Variants in FBLN2 observed in about 807,000 individuals in gnomAD.
The protein encoded by FBLN2 is fibulin 2, also known as fibulin-2.
Under a neutral mutation model 123.7 loss-of-function variants are expected in FBLN2, and 81 were observed. That is an observed-to-expected ratio of 0.65 (90% confidence interval 0.55 to 0.79). The LOEUF (loss-of-function observed/expected upper bound fraction) is 0.79, where lower values mean the gene tolerates loss of function less well. Among genes scored for constraint, FBLN2 ranks in the 30% least tolerant of loss-of-function variants. The probability of loss-of-function intolerance (pLI) is 0.00; values close to 1 mark genes in which losing one functional copy is unlikely to be tolerated. For missense variants in FBLN2, 1,603 were observed against 1,681.3 expected, an observed-to-expected ratio of 0.95 and a Z score of 0.81; for synonymous variants, 699 against 701.4, an observed-to-expected ratio of 1.00 and a Z score of 0.05.
chr3:13,609,653 C>T lies in FBLN2; in HGVS notation c.1548+11C>T, dbSNP rs1705323906. 9.8e-7 allele frequency: 1 copy of T among 1,018,614 alleles called. No individual in the cohort carries two copies. The highest frequency in any genetic ancestry group is 1.4e-6 in the Non-Finnish European group (1 of 737,552). 63.1% of individuals were successfully genotyped at this position (1,018,614 alleles called of 1,614,324 possible). Reference sequence around the variant, plus strand: ...ATCTCCCTGTACAAGGCAAGCCTGACCTGTGGCCTTCAAGGCAGGGTGGGG... The same window carrying T: ...ATCTCCCTGTACAAGGCAAGCCTGATCTGTGGCCTTCAAGGCAGGGTGGGG... On this transcript the variant is annotated intron_variant, in intron 4 of 17. Coordinates refer to ENST00000404922, the MANE Select transcript of FBLN2 (RefSeq NM_001004019.2).
chr3:13,636,038 G>A (rs560550360), intron 16 of FBLN2, among the ~76,000 whole-genome samples: 79 of 152,326 alleles, frequency 5.2e-4, no homozygotes, highest in African/African-American at 1.8e-3. Context: ...AAAAGCTGGG[G>A]ATAGCGTTCC....
At chr3:13,552,209 G>A (rs1446198590) in intron 1 of FBLN2, among the ~76,000 whole-genome samples, 1 of 82,690 alleles carries the variant, frequency 1.2e-5, no homozygotes, top group Non-Finnish European at 2.6e-5. Flanking sequence ...GCAGGGAACA[G>A]GCTGGAGGGC....
chr3:13,628,091 C>G, intron 11 of FBLN2, 122 bp downstream of exon 11: 1 of 1,278,150 alleles, frequency 7.8e-7, no homozygotes, highest in South Asian at 1.5e-5. Flanking sequence ...TCTCCCAGCC[C>G]CCTTGTCCCT....
intron 4 of FBLN2, 37 bp downstream of exon 4, chr3:13,609,679 T>TGCAGTGTGGGGGGG: frequency 1.2e-5 from 1 of 80,284 alleles, no homozygotes; most frequent in Non-Finnish European, 2.2e-5. Flanking sequence ...CAGGGTGGGG[T>TGCAGTGTGGGGGGG]GGGGCGGGGC....
intron 10 of FBLN2, among the ~76,000 whole-genome samples, chr3:13,627,597 C>G (rs1361158074): frequency 6.6e-6 from 1 of 152,208 alleles, no homozygotes; most frequent in African/African-American, 2.4e-5. Flanking sequence ...ATAAATCCAT[C>G]TCAGGTGCTC....
intron 1 of FBLN2, among the ~76,000 whole-genome samples, chr3:13,550,031 A>C (rs889940652): frequency 6.6e-6 from 1 of 152,150 alleles, no homozygotes; most frequent in Admixed American, 6.5e-5. Context: ...TGTATCACAC[A>C]TGTGTCTCTC....
chr3:13,575,733 A>G (rs1450693095), intron 2 of FBLN2, among the ~76,000 whole-genome samples: 1 of 152,018 alleles, frequency 6.6e-6, no homozygotes, highest in Non-Finnish European at 1.5e-5. Context: ...GAAACCCTGG[A>G]AGCTGCACTG....
At chr3:13,594,114 C>T (rs1192315954) in intron 2 of FBLN2, among the ~76,000 whole-genome samples, 2 of 152,160 alleles carry the variant, frequency 1.3e-5, no homozygotes. Flanking sequence ...ATATTTTCTT[C>T]CCAGGCCCAG....
chr3:13,608,308 G>A, intron 3 of FBLN2, 135 bp downstream of exon 3: 1 of 663,162 alleles, frequency 1.5e-6, no homozygotes, highest in Admixed American at 2.7e-5. Flanking sequence ...GGGTGATTGG[G>A]TGTGGCTGCC....
chr3:13,583,507 G>A (rs1189040737), intron 2 of FBLN2, among the ~76,000 whole-genome samples: 1 of 152,232 alleles, frequency 6.6e-6, no homozygotes, highest in Admixed American at 6.5e-5. Flanking sequence ...TTTCCCTGTT[G>A]TGGGCAGACT....
chr3:13,610,970 C>T (rs1045356273), intron 4 of FBLN2, among the ~76,000 whole-genome samples: 1 of 151,778 alleles, frequency 6.6e-6, no homozygotes, highest in African/African-American at 2.4e-5. Context: ...TGCAGTGGTA[C>T]GATCTCGTCT....
chr3:13,607,167 T>C (rs1705233727), intron 2 of FBLN2, among the ~76,000 whole-genome samples: 1 of 151,860 alleles, frequency 6.6e-6, no homozygotes, highest in East Asian at 1.9e-4. Flanking sequence ...TTTGTATTTT[T>C]AGTAGAGACA....
In FBLN2 at chr3:13,571,498, C is replaced by G; in HGVS notation, c.1143C>G (p.Val381=). 6.2e-7 allele frequency: 1 copy of G among 1,613,620 alleles called. No homozygotes were observed. The part of the protein sequence containing the change: ...QAVPGSPRDP[V]KPSPHNILST... Reference sequence around the variant, plus strand: ...TGCCTGGCTCTCCCAGGGACCCAGTCAAGCCCAGCCCCCACAACATCCTGT... The same window carrying G: ...TGCCTGGCTCTCCCAGGGACCCAGTGAAGCCCAGCCCCCACAACATCCTGT... Residue 381 remains valine, a synonymous_variant, in exon 2 of 18, where the codon GTC becomes GTG. Transcript: ENST00000404922.
chr3:13,628,849 TG>T, intron 11 of FBLN2, 55 bp from the exon 12 acceptor site: 1 of 1,587,820 alleles, frequency 6.3e-7, no homozygotes, highest in Non-Finnish European at 8.6e-7. Context: ...TGGGAGGGGC[TG>T]GGGCCTGGGA....
intron 1 of FBLN2, among the ~76,000 whole-genome samples, chr3:13,550,411 A>C (rs1703292280): frequency 6.6e-6 from 1 of 152,210 alleles, no homozygotes; most frequent in Admixed American, 6.5e-5. Flanking sequence ...TCAGCTTTGC[A>C]GTGATCACTT....
At chr3:13,596,617 A>G (rs1188801067) in intron 2 of FBLN2, among the ~76,000 whole-genome samples, 1 of 152,194 alleles carries the variant, frequency 6.6e-6, no homozygotes, top group Non-Finnish European at 1.5e-5. Context: ...GGCATAAATT[A>G]CATCCACCTC....
intron 2 of FBLN2, among the ~76,000 whole-genome samples, chr3:13,580,918 C>G (rs1042088169): frequency 3.3e-4 from 50 of 152,320 alleles, no homozygotes; most frequent in African/African-American, 1.2e-3. Flanking sequence ...TGGGCCTGAA[C>G]GTGTGTCTGT....
intron 16 of FBLN2, 111 bp downstream of exon 16, chr3:13,631,568 TG>T (rs1706260325): frequency 7.6e-7 from 1 of 1,313,292 alleles, no homozygotes; most frequent in African/African-American, 1.5e-5. Context: ...CCACACCCAG[TG>T]AATAAATGCA....
At chr3:13,563,644 C>T (rs1196077281) in intron 1 of FBLN2, among the ~76,000 whole-genome samples, 1 of 152,240 alleles carries the variant, frequency 6.6e-6, no homozygotes. Flanking sequence ...CCGTCTAAGA[C>T]AGTGCGCAGC....
Sources: gnomAD v4.1 joint callset for allele counts (sites outside exome capture counted in the v4.1 genomes callset) on GRCh38, gnomAD v4.1.1 for gene constraint, MANE v1.5 for transcripts, NCBI Gene and HGNC (gene_info 2026-07-23, HGNC 2026-07-21) for gene names.